Variants in DNAJB14 observed in about 807,000 individuals in gnomAD.
DNAJB14 encodes dnaJ homolog subfamily B member 14.
Under a neutral mutation model 48.4 loss-of-function variants are expected in DNAJB14, and 22 were observed. The observed-to-expected ratio is 0.45, with a 90% CI of 0.32 to 0.65. The LOEUF is 0.65. Ranked by LOEUF, DNAJB14 falls within the 30% of genes least tolerant of loss-of-function variation. DNAJB14 has a pLI of 0.03. For missense variants in DNAJB14, 319 were observed against 458.8 expected (o/e 0.70, Z 2.78); for synonymous variants, 142 against 158.7 (o/e 0.89, Z 0.79).
intron 7 of DNAJB14, among the ~76,000 whole-genome samples, chr4:99,903,481 T>C (rs1325228208): frequency 6.6e-6 from 1 of 151,924 alleles, no homozygotes; most frequent in African/African-American, 2.4e-5. Context: ...ACAATAAAAT[T>C]TGGTATTACT....
intron 1 of DNAJB14, among the ~76,000 whole-genome samples, chr4:99,932,555 G>C (rs1726515067): frequency 6.6e-6 from 1 of 152,146 alleles, no homozygotes; most frequent in African/African-American, 2.4e-5. Flanking sequence ...TTTCTAGTGA[G>C]AATGTAAAAT....
intron 3 of DNAJB14, among the ~76,000 whole-genome samples, chr4:99,918,445 G>A (rs1725934849): frequency 6.6e-6 from 1 of 152,154 alleles, no homozygotes; most frequent in African/African-American, 2.4e-5. Context: ...CTGGTTCTTA[G>A]ACTGACAAGT....
At chr4:99,903,385 T>G (rs1725361331) in intron 7 of DNAJB14, among the ~76,000 whole-genome samples, 1 of 151,964 alleles carries the variant, frequency 6.6e-6, no homozygotes. Flanking sequence ...ATCTTAAAAT[T>G]GATGACATAG....
intron 1 of DNAJB14, among the ~76,000 whole-genome samples, chr4:99,939,815 C>T (rs545905332): frequency 7.2e-5 from 11 of 152,228 alleles, no homozygotes; most frequent in Non-Finnish European, 1.5e-4. Flanking sequence ...CTCAGTTCAA[C>T]TACCATGAGA....
At chr4:99,925,063 G>A in intron 2 of DNAJB14, 3 of 436,930 alleles carry the variant, frequency 6.9e-6, no homozygotes, top group South Asian at 7.3e-5. Flanking sequence ...TATCCACAGG[G>A]GATTAGTTCC....
At chr4:99,941,926 T>A (rs1381466186) in intron 1 of DNAJB14, among the ~76,000 whole-genome samples, 1 of 152,108 alleles carries the variant, frequency 6.6e-6, no homozygotes, top group Non-Finnish European at 1.5e-5. Context: ...TTGTTTTGAA[T>A]GTATAATTTG....
intron 3 of DNAJB14, among the ~76,000 whole-genome samples, chr4:99,918,756 C>G (rs1725946935): frequency 6.6e-6 from 1 of 152,214 alleles, no homozygotes; most frequent in South Asian, 2.1e-4. Flanking sequence ...CATTTAACTT[C>G]CCTGATACCA....
intron 1 of DNAJB14, among the ~76,000 whole-genome samples, chr4:99,935,090 A>T (rs973038942): frequency 8.6e-5 from 13 of 151,984 alleles, no homozygotes; most frequent in Admixed American, 8.5e-4. Context: ...GAAGAAAAAC[A>T]AAAAAATAGA....
intron 1 of DNAJB14, among the ~76,000 whole-genome samples, chr4:99,938,085 A>T (rs1279784412): frequency 7.8e-6 from 1 of 128,244 alleles, no homozygotes; most frequent in African/African-American, 3.1e-5. Context: ...TGGCGAAACC[A>T]TGTTAAAAAT....
At chr4:99,914,408 A>T (rs1725775446) in intron 3 of DNAJB14, among the ~76,000 whole-genome samples, 1 of 151,814 alleles carries the variant, frequency 6.6e-6, no homozygotes, top group Admixed American at 6.6e-5. Flanking sequence ...AAAACCAAAC[A>T]CCGCATGTTC....
chr4:99,939,357 A>G (rs1726808132), intron 1 of DNAJB14, among the ~76,000 whole-genome samples: 2 of 152,220 alleles, frequency 1.3e-5, no homozygotes, highest in African/African-American at 2.4e-5. Context: ...GCGAGACTCC[A>G]TCTCAAAAAA....
chr4:99,938,097 C>CAAAAAAAAAAAAAAAAA (rs59597113), intron 1 of DNAJB14, among the ~76,000 whole-genome samples: 3 of 40,972 alleles, frequency 7.3e-5, no homozygotes, highest in African/African-American at 1.6e-4. Flanking sequence ...GTTAAAAATA[C>CAAAAAAAAAAAAAAAAA]AAAAAAAAAA....
intron 1 of DNAJB14, among the ~76,000 whole-genome samples, chr4:99,937,677 G>A (rs867387155): frequency 6.6e-6 from 1 of 151,016 alleles, no homozygotes; most frequent in East Asian, 2.0e-4. Flanking sequence ...AGCGAGCCAC[G>A]ATCATGCCAC....
chr4:99,904,460 A>C (rs1457283361), intron 6 of DNAJB14, among the ~76,000 whole-genome samples: 1 of 152,102 alleles, frequency 6.6e-6, no homozygotes, highest in Non-Finnish European at 1.5e-5. Context: ...AGTGACTAAA[A>C]ATATTGTATA....
At chr4:99,927,442 A>C (rs1726297217) in intron 2 of DNAJB14, 1 of 152,214 alleles carries the variant, frequency 6.6e-6, no homozygotes, top group South Asian at 2.1e-4. Flanking sequence ...AGCTTAAATC[A>C]AATCTTAAAT....
intron 3 of DNAJB14, among the ~76,000 whole-genome samples, chr4:99,909,424 C>T (rs1442459008): frequency 6.6e-6 from 1 of 151,992 alleles, no homozygotes; most frequent in Admixed American, 6.6e-5. Context: ...ACCCTGGAGC[C>T]TGAATGAGCT....
In DNAJB14 at chr4:99,898,265, C is replaced by G. The variant is rs1725189909; in HGVS notation, c.*2763G>C. On this transcript the variant is annotated 3_prime_UTR_variant, in exon 8 of 8. Coordinates refer to ENST00000442697, the MANE Select transcript of DNAJB14 (RefSeq NM_001031723.4). ...GCATATATATGCCTTAAGGACTGTA[C>G]TTTTCTCTACCAAATCTTTGTAAAT... is the stretch of plus-strand genomic sequence containing the variant. 1.3e-5 allele frequency: 2 copies of G among 151,946 alleles called. No homozygotes were observed. The highest frequency in any genetic ancestry group is 4.8e-5 in the African/African-American group (2 of 41,420). The allele number at this position is 151,946 out of a possible 1,614,324, so 9.4% of individuals were successfully genotyped here.
intron 3 of DNAJB14, among the ~76,000 whole-genome samples, chr4:99,921,199 C>T (rs1417412358): frequency 6.6e-6 from 1 of 152,200 alleles, no homozygotes; most frequent in Non-Finnish European, 1.5e-5. Context: ...CTCTTTGGGA[C>T]TAATAAACTG....
At position 99,921,839 on chromosome 4, in the gene DNAJB14, C is replaced by A. The variant is rs147082119; in HGVS notation, c.451+1201G>T. ...ATCAGAAATTTCCCAACTTTCTGTA[C>A]TATTGAATTATAAATTAACCTAAGT... On this transcript the variant is annotated intron_variant, in intron 3 of 7. Coordinates refer to ENST00000442697, the MANE Select transcript of DNAJB14 (RefSeq NM_001031723.4). 8.2e-3 allele frequency among the ~76,000 whole-genome samples: 1,251 copies of A among 152,164 alleles called. 10 individuals carry two copies. Among genetic ancestry groups the A allele is most frequent in the African/African-American group, 0.028 (1,177 of 41,484 alleles).
Sources: allele counts gnomAD v4.1 joint callset (sites outside exome capture counted in the v4.1 genomes callset), GRCh38; gene constraint gnomAD v4.1.1; transcripts MANE v1.5; gene names NCBI Gene and HGNC (gene_info 2026-07-23, HGNC 2026-07-21).